Variants in RAB37 observed in about 807,000 individuals in gnomAD.
RAB37 encodes the protein ras-related protein Rab-37.
A neutral mutation model predicts 33.1 loss-of-function variants in RAB37; 29 were observed. The observed-to-expected ratio is 0.88, with a 90% CI of 0.65 to 1.20. The LOEUF (loss-of-function observed/expected upper bound fraction) is 1.20. Ranked by LOEUF, RAB37 falls within the 50% of genes most tolerant of loss-of-function variation. RAB37 has a pLI of 0.00. For synonymous variants in RAB37, 128 were observed against 119.5 expected (o/e 1.07, Z -0.47); for missense variants, 299 against 301.1 (o/e 0.99, Z 0.05).
At chr17:74,710,033 C>T (rs2033831122) in intron 1 of RAB37, among the ~76,000 whole-genome samples, 1 of 152,286 alleles carries the variant, frequency 6.6e-6, no homozygotes, top group African/African-American at 2.4e-5. Flanking sequence ...GGCTGGAGTG[C>T]AGTGGCTCAA....
At chr17:74,743,364 C>G in intron 5 of RAB37, 24 bp downstream of exon 5, 1 of 1,612,388 alleles carries the variant, frequency 6.2e-7, no homozygotes, top group Admixed American at 1.7e-5. Flanking sequence ...TCCCCTGACT[C>G]CCACCCATAA....
At chr17:74,686,095 A>G (rs1021221940) in intron 1 of RAB37, among the ~76,000 whole-genome samples, 1 of 151,800 alleles carries the variant, frequency 6.6e-6, no homozygotes, top group Non-Finnish European at 1.5e-5. Flanking sequence ...ATATCTTGTT[A>G]TATTTTTTTT....
intron 1 of RAB37, among the ~76,000 whole-genome samples, chr17:74,722,107 C>T (rs547505586): frequency 6.6e-6 from 1 of 151,748 alleles, no homozygotes; most frequent in Non-Finnish European, 1.5e-5. Flanking sequence ...CACAGTGAAA[C>T]CCCATCTCTA....
At chr17:74,739,284 C>T (rs775221129) in intron 1 of RAB37, among the ~76,000 whole-genome samples, 3 of 152,210 alleles carry the variant, frequency 2.0e-5, no homozygotes, top group Non-Finnish European at 4.4e-5. Flanking sequence ...CAAAGTGCTC[C>T]TCTCCACCAT....
intron 1 of RAB37, among the ~76,000 whole-genome samples, chr17:74,707,761 C>A (rs2033634732): frequency 6.6e-6 from 1 of 150,854 alleles, no homozygotes; most frequent in Admixed American, 6.6e-5. Context: ...GTATATCCTG[C>A]ACATATTAAA....
intron 1 of RAB37, among the ~76,000 whole-genome samples, chr17:74,716,886 C>T (rs181532859): frequency 6.6e-6 from 1 of 152,228 alleles, no homozygotes; most frequent in Non-Finnish European, 1.5e-5. Context: ...GTAATCCCAG[C>T]CCTTTGGGAG....
intron 1 of RAB37, among the ~76,000 whole-genome samples, chr17:74,674,359 G>A (rs954140924): frequency 2.0e-5 from 3 of 150,648 alleles, no homozygotes; most frequent in Non-Finnish European, 4.4e-5. Context: ...GGCATTATAT[G>A]TATGAGCCAC....
Position 74,730,125 on chromosome 17 carries a change from A to G in RAB37, c.183+759A>G, listed in dbSNP as rs889236955. 1.3e-5 allele frequency among the ~76,000 whole-genome samples: 2 copies of G among 152,108 alleles called. No individual in the cohort carries two copies. The highest frequency in any genetic ancestry group is 1.3e-4 in the Admixed American group (2 of 15,288). ...TGCCTGCGGCTGCAGCTGCCCTTGA[A>G]TTCCTGGGAAGACCTTGGGAGAGGG... On this transcript the variant is annotated intron_variant, in intron 2 of 7. Coordinates refer to the RAB37 transcript ENST00000340415. This position sits in a 1 kb window ranked among gnomAD's most constrained non-coding sequence, Gnocchi z 4.4.
At chr17:74,694,183 G>T (rs894368422) in intron 1 of RAB37, 31 of 152,200 alleles carry the variant, frequency 2.0e-4, no homozygotes, top group African/African-American at 7.2e-4. Context: ...AAAGGGGACA[G>T]TAATAGAAGT....
intron 1 of RAB37, among the ~76,000 whole-genome samples, chr17:74,699,385 C>T (rs2032825507): frequency 6.6e-6 from 1 of 152,158 alleles, no homozygotes. Context: ...GAATTCACAT[C>T]CACTCAGACC....
chr17:74,700,133 C>A (rs1310532545), intron 1 of RAB37, among the ~76,000 whole-genome samples: 1 of 146,336 alleles, frequency 6.8e-6, no homozygotes, highest in African/African-American at 2.5e-5. Context: ...CAGAGCAAGA[C>A]CCTGTCTCAA....
At chr17:74,717,281 A>C (rs1415369206) in intron 1 of RAB37, among the ~76,000 whole-genome samples, 2 of 152,174 alleles carry the variant, frequency 1.3e-5, no homozygotes, top group African/African-American at 4.8e-5. Flanking sequence ...CAGTGTATGG[A>C]ATGGGAATCT....
intron 1 of RAB37, among the ~76,000 whole-genome samples, chr17:74,714,384 G>T (rs1010034162): frequency 2.8e-5 from 4 of 144,242 alleles, no homozygotes; most frequent in Admixed American, 7.0e-5. Flanking sequence ...CAGAGCAGAC[G>T]CTGTCTCTTT....
intron 1 of RAB37, among the ~76,000 whole-genome samples, chr17:74,697,318 C>T (rs920434269): frequency 6.6e-6 from 1 of 152,126 alleles, no homozygotes; most frequent in Non-Finnish European, 1.5e-5. Context: ...CTCCCCTCCC[C>T]AGCCACCAGC....
At position 74,745,677 on chromosome 17, in the gene RAB37, G is replaced by A. The variant is rs2034744175; in HGVS notation, c.*266G>A. 8.0e-6 allele frequency: 3 copies of A among 373,534 alleles called. No individual in the cohort carries two copies. Among genetic ancestry groups the A allele is most frequent in the Admixed American group, 4.4e-5 (1 of 22,726 alleles). The allele number at this position is 373,534 out of a possible 1,614,324, so 23.1% of individuals were successfully genotyped here. On this transcript the variant is annotated 3_prime_UTR_variant, in exon 9 of 9. Transcript: ENST00000392613. This position sits in a 1 kb window ranked among gnomAD's most constrained non-coding sequence, Gnocchi z 4.5. ...AAGGCGCCTGGATCCCCAAAAAACC[G>A]AGGCTGGGAGCTAGTGGCCCTTTTG... is the stretch of plus-strand genomic sequence containing the variant.
chr17:74,711,056 T>G (rs1030806328), intron 1 of RAB37, among the ~76,000 whole-genome samples: 1 of 152,060 alleles, frequency 6.6e-6, no homozygotes, highest in Non-Finnish European at 1.5e-5. Flanking sequence ...ATAAAAAACC[T>G]TCCTTTCTCA....
chr17:74,731,784 G>T (rs551128385), intron 2 of RAB37, among the ~76,000 whole-genome samples: 3 of 151,868 alleles, frequency 2.0e-5, no homozygotes, highest in African/African-American at 7.3e-5. Flanking sequence ...GAGGCGGGCG[G>T]ATCACTTGAG....
In RAB37 at chr17:74,746,775, C is replaced by G. The variant is rs2034769951; in HGVS notation, c.*1364C>G. The G allele has an allele frequency of 6.6e-6, 1 of 152,234 alleles. No homozygotes were observed. The highest frequency in any genetic ancestry group is 1.5e-5 in the Non-Finnish European group (1 of 68,054). 9.4% of individuals were successfully genotyped at this position (152,234 alleles called of 1,614,324 possible). On this transcript the variant is annotated 3_prime_UTR_variant, in exon 9 of 9. Transcript: ENST00000392613. The surrounding 1 kb of genome is among the most constrained non-coding windows in gnomAD (Gnocchi z 5.2). ...CTGCCTCCTCCCTGACCACCCATGC[C>G]CTTTCCTTTAACTTCTCAAACAGAT...
chr17:74,694,769 C>T (rs150630771), intron 1 of RAB37: 56 of 217,744 alleles, frequency 2.6e-4, no homozygotes, highest in African/African-American at 1.2e-3. Context: ...AATAAAGGTT[C>T]ATTGTATTAC....
Sources: gnomAD v4.1 joint callset for allele counts (sites outside exome capture counted in the v4.1 genomes callset) on GRCh38, gnomAD v4.1.1 for gene constraint, Gnocchi (gnomAD v3.1) non-coding constraint, MANE v1.5 for transcripts, NCBI Gene and HGNC (gene_info 2026-07-23, HGNC 2026-07-21) for gene names.